Variants in ABTB2 observed in about 807,000 individuals in gnomAD.
ABTB2 encodes ankyrin repeat and BTB/POZ domain-containing protein 2.
ABTB2 carries 56 observed loss-of-function variants against 104.1 expected under a neutral mutation model. That is an observed-to-expected ratio of 0.54 (90% CI 0.43 to 0.67). ABTB2 has a LOEUF of 0.67. ABTB2 is among the 30% of genes least tolerant of loss of function. The probability of loss-of-function intolerance (pLI) is 0.00; values close to 1 mark genes in which losing one functional copy is unlikely to be tolerated. For missense variants in ABTB2, 1,279 were observed against 1,407.7 expected (o/e 0.91, Z 1.46); for synonymous variants, 606 against 608.2 (o/e 1.00, Z 0.05).
chr11:34,326,389 A>T (rs1406757048), intron 1 of ABTB2, among the ~76,000 whole-genome samples: 5 of 152,136 alleles, frequency 3.3e-5, no homozygotes, highest in African/African-American at 4.8e-5. Context: ...TTGGGGGGCC[A>T]AGGCAGTTGG....
intron 1 of ABTB2, among the ~76,000 whole-genome samples, chr11:34,247,357 C>G (rs993221572): frequency 9.2e-5 from 14 of 152,216 alleles, no homozygotes; most frequent in African/African-American, 3.4e-4. Context: ...CATACACATT[C>G]AGTAGCAGCA....
At chr11:34,321,618 T>C (rs1336852634) in intron 1 of ABTB2, among the ~76,000 whole-genome samples, 2 of 152,238 alleles carry the variant, frequency 1.3e-5, no homozygotes, top group African/African-American at 4.8e-5. Flanking sequence ...TGGTTGGTTC[T>C]GTGACTCAAC....
intron 1 of ABTB2, among the ~76,000 whole-genome samples, chr11:34,309,501 GAGGAGA>G (rs1854824144): frequency 1.3e-5 from 2 of 152,212 alleles, no homozygotes; most frequent in Admixed American, 6.5e-5. Flanking sequence ...GCTGGGAGCA[GAGGAGA>G]AACGAAACTC....
At chr11:34,183,658 T>C (rs2133026379) in intron 3 of ABTB2, among the ~76,000 whole-genome samples, 1 of 152,246 alleles carries the variant, frequency 6.6e-6, no homozygotes, top group African/African-American at 2.4e-5. Flanking sequence ...ACTCGTCCAA[T>C]TTGCAATGAT....
chr11:34,246,919 C>G (rs1454799698), intron 1 of ABTB2, among the ~76,000 whole-genome samples: 2 of 148,264 alleles, frequency 1.3e-5, no homozygotes, highest in African/African-American at 2.5e-5. Context: ...ATGATCTCGG[C>G]TCACCGCAAC....
intron 1 of ABTB2, among the ~76,000 whole-genome samples, chr11:34,299,250 C>T (rs1854667309): frequency 6.6e-6 from 1 of 152,144 alleles, no homozygotes; most frequent in Non-Finnish European, 1.5e-5. Flanking sequence ...AATTAAATTT[C>T]CAGACTGTTG....
chr11:34,310,753 C>T (rs1167569580), intron 1 of ABTB2, among the ~76,000 whole-genome samples: 1 of 152,160 alleles, frequency 6.6e-6, no homozygotes, highest in African/African-American at 2.4e-5. Context: ...GGCTCTCCTC[C>T]GTGGGTGGAC....
chr11:34,203,782 C>T (rs117637816), intron 2 of ABTB2, among the ~76,000 whole-genome samples: 2,981 of 152,296 alleles, frequency 0.02, 50 homozygotes, highest in South Asian at 0.049. Flanking sequence ...GAATCACAAA[C>T]GGAGAAGGCC....
intron 1 of ABTB2, among the ~76,000 whole-genome samples, chr11:34,327,466 G>A (rs1304967697): frequency 6.6e-6 from 1 of 152,120 alleles, no homozygotes; most frequent in East Asian, 1.9e-4. Context: ...ACGTGGCCTG[G>A]CTCTCACTCT....
intron 1 of ABTB2, among the ~76,000 whole-genome samples, chr11:34,249,695 A>G (rs1321244102): frequency 6.6e-6 from 1 of 152,190 alleles, no homozygotes; most frequent in Non-Finnish European, 1.5e-5. Context: ...CCGAGGCTGG[A>G]GTGCCGTGGT....
chr11:34,229,011 C>T (rs558191099), intron 1 of ABTB2, among the ~76,000 whole-genome samples: 4 of 150,590 alleles, frequency 2.7e-5, no homozygotes, highest in African/African-American at 7.3e-5. Flanking sequence ...CCCAGCTACT[C>T]GGGAGGCTGA....
intron 1 of ABTB2, among the ~76,000 whole-genome samples, chr11:34,217,686 T>G (rs1853566077): frequency 6.6e-6 from 1 of 152,214 alleles, no homozygotes; most frequent in Non-Finnish European, 1.5e-5. Flanking sequence ...GATCTTGAAC[T>G]CCTAACCTCA....
intron 13 of ABTB2, 145 bp downstream of exon 13, chr11:34,159,761 G>A (rs900350333): frequency 1.5e-6 from 1 of 684,722 alleles, no homozygotes; most frequent in Non-Finnish European, 2.5e-6. Context: ...TGTGGGGCGA[G>A]TGGGGCTCTG....
rs375950943 is a variant in ABTB2 at position 34,198,614 on chromosome 11, C to T, written c.1031-1076G>A. The stretch of plus-strand genomic sequence containing the variant: ...GTCTAGACTTGAATTCATGTCTGTT[C>T]GACTCCAAAGTCCATGGACTTCACT... On this transcript the variant is annotated intron_variant, in intron 2 of 16. Coordinates refer to ENST00000435224, the MANE Select transcript of ABTB2 (RefSeq NM_145804.3). Among the ~76,000 whole-genome samples the T allele has an allele frequency of 3.9e-5, 6 of 152,288 alleles. No individual in the cohort carries two copies. The East Asian group carries it at 7.7e-4, about 20-fold the overall frequency.
intron 2 of ABTB2, among the ~76,000 whole-genome samples, chr11:34,198,460 A>AAC (rs1554982655): frequency 4.6e-5 from 7 of 151,366 alleles, no homozygotes; most frequent in African/African-American, 1.5e-4. Flanking sequence ...ACAACAAAAA[A>AAC]AAACAAAAAC....
rs1402768001 is a variant in ABTB2 at position 34,357,231 on chromosome 11, G to C, written c.353C>G (p.Pro118Arg). The change falls in exon 1 of 17, where the codon CCC becomes CGC. Residue 118 changes from proline (P) to arginine (R), a missense_variant. By Grantham distance (103) the Pro-to-Arg change is moderately radical. Coordinates refer to ENST00000435224, the MANE Select transcript of ABTB2 (RefSeq NM_145804.3). The part of the protein sequence containing the change: ...LRKGAGGRRL[P>R]QFSAEAVRRL... The stretch of plus-strand genomic sequence containing the variant: ...CCTCACCGCCTCGGCGGAGAACTGG[G>C]GCAGCCGCCGGCCGCCAGCGCCTTT... 1.3e-6 allele frequency: 2 copies of C among 1,504,138 alleles called. No homozygotes were observed. The highest frequency in any genetic ancestry group is 4.4e-5 in the Admixed American group (2 of 45,894). The allele number at this position is 1,504,138 out of a possible 1,614,324, so 93.2% of individuals were successfully genotyped here.
chr11:34,233,063 T>A (rs771209881), intron 1 of ABTB2, among the ~76,000 whole-genome samples: 2 of 150,556 alleles, frequency 1.3e-5, no homozygotes, highest in Non-Finnish European at 1.5e-5. Context: ...CCTGTCATAG[T>A]GGTTTGGTCC....
In ABTB2 at chr11:34,261,615, T is replaced by G. The variant is rs189895145; in HGVS notation, c.884-56925A>C. Among the ~76,000 whole-genome samples, 327 of 152,248 alleles carry G rather than the reference T, an allele frequency of 2.1e-3. 2 individuals carry two copies. Among genetic ancestry groups the G allele is most frequent in the African/African-American group, 7.6e-3 (315 of 41,554 alleles). On this transcript the variant is annotated intron_variant, in intron 1 of 16. Coordinates refer to ENST00000435224, the MANE Select transcript of ABTB2 (RefSeq NM_145804.3). Reference sequence around the variant, plus strand: ...TAATAGAAAGATAAGAACAGAATTATAAACCCCAGAAGGGAAGAGGCCTTA... The same window carrying G: ...TAATAGAAAGATAAGAACAGAATTAGAAACCCCAGAAGGGAAGAGGCCTTA...
chr11:34,239,903 A>G (rs1387096536), intron 1 of ABTB2, among the ~76,000 whole-genome samples: 1 of 152,180 alleles, frequency 6.6e-6, no homozygotes, highest in Non-Finnish European at 1.5e-5. Flanking sequence ...CTTCCCAAAA[A>G]AGCAAGGCAT....
Sources: allele counts gnomAD v4.1 joint callset (sites outside exome capture counted in the v4.1 genomes callset), GRCh38; gene constraint gnomAD v4.1.1; transcripts MANE v1.5; gene names NCBI Gene and HGNC (gene_info 2026-07-23, HGNC 2026-07-21).